Variants in CDK17 observed in about 807,000 individuals in gnomAD.
CDK17 encodes the protein cyclin-dependent kinase 17.
CDK17 carries 24 observed loss-of-function variants against 77.6 expected under a neutral mutation model. The observed-to-expected ratio is 0.31, with a 90% CI of 0.22 to 0.44. The LOEUF (loss-of-function observed/expected upper bound fraction) is 0.44, where lower values mean the gene tolerates loss of function less well. Ranked by LOEUF, CDK17 falls within the 20% of genes least tolerant of loss-of-function variation. The pLI, the probability that CDK17 is intolerant of heterozygous loss-of-function variation, is 1.00. For synonymous variants in CDK17, 203 were observed against 210.4 expected (o/e 0.96, Z 0.30); for missense variants, 429 against 622.5 (o/e 0.69, Z 3.31).
chr12:96,292,841 G>C (rs1192259913), intron 10 of CDK17, among the ~76,000 whole-genome samples: 1 of 150,640 alleles, frequency 6.6e-6, no homozygotes, highest in Non-Finnish European at 1.5e-5. Flanking sequence ...AACCAGATTA[G>C]CTAAAAAAAA....
At chr12:96,289,316 A>T (rs766221371) in intron 10 of CDK17, 29 bp from the exon 11 acceptor site, 1 of 1,613,050 alleles carries the variant, frequency 6.2e-7, no homozygotes, top group Non-Finnish European at 8.5e-7. Flanking sequence ...ACAAAGGGTT[A>T]AGAAAAAGCT....
intron 1 of CDK17, among the ~76,000 whole-genome samples, chr12:96,355,702 G>A (rs1329757616): frequency 6.6e-6 from 1 of 151,982 alleles, no homozygotes; most frequent in South Asian, 2.1e-4. Context: ...CAACGTGCCC[G>A]GCATATATTG....
At chr12:96,300,544 G>A (rs746967768) in intron 5 of CDK17, among the ~76,000 whole-genome samples, 184 bp from the exon 6 acceptor site, 8 of 152,130 alleles carry the variant, frequency 5.3e-5, no homozygotes, top group Admixed American at 1.3e-4. Context: ...TTACAGGCAC[G>A]CAGCACCAAG....
chr12:96,294,584 C>CAAAAAAAAAAAAA (rs11313631), intron 10 of CDK17, among the ~76,000 whole-genome samples: 19 of 54,346 alleles, frequency 3.5e-4, no homozygotes, highest in Non-Finnish European at 4.9e-4. Context: ...ATGCTGTCTT[C>CAAAAAAAAAAAAA]AAAAAAAAAA....
At chr12:96,362,369 C>T (rs759459494) in intron 1 of CDK17, among the ~76,000 whole-genome samples, 8 of 152,094 alleles carry the variant, frequency 5.3e-5, no homozygotes, top group Non-Finnish European at 1.2e-4. Context: ...CAGGCATACA[C>T]CACCATGCCT....
chr12:96,380,910 C>CT (rs1290342771), intron 1 of CDK17, among the ~76,000 whole-genome samples: 1 of 152,036 alleles, frequency 6.6e-6, no homozygotes, highest in Non-Finnish European at 1.5e-5. Flanking sequence ...TTTCATATCC[C>CT]TTTTTTACAT....
At chr12:96,377,897 G>A (rs913486109) in intron 1 of CDK17, among the ~76,000 whole-genome samples, 1 of 152,106 alleles carries the variant, frequency 6.6e-6, no homozygotes, top group African/African-American at 2.4e-5. Flanking sequence ...GTTTCACCGT[G>A]TTAGCCAGGA....
chr12:96,327,644 C>T (rs575904867), intron 2 of CDK17, among the ~76,000 whole-genome samples: 1 of 152,100 alleles, frequency 6.6e-6, no homozygotes, highest in Non-Finnish European at 1.5e-5. Context: ...ACCACCTGGG[C>T]TCATGTGGTC....
At chr12:96,316,573 A>G (rs944348745) in intron 3 of CDK17, among the ~76,000 whole-genome samples, 9 of 146,892 alleles carry the variant, frequency 6.1e-5, no homozygotes, top group Admixed American at 4.9e-4. Context: ...AGCTTTGAAG[A>G]GAGCAGTGGT....
chr12:96,303,752 C>T (rs924279123), intron 5 of CDK17, among the ~76,000 whole-genome samples: 1 of 151,906 alleles, frequency 6.6e-6, no homozygotes, highest in Non-Finnish European at 1.5e-5. Context: ...CAATACCAAG[C>T]CTTATGGGAA....
chr12:96,359,085 C>T (rs1175821244), intron 1 of CDK17, among the ~76,000 whole-genome samples: 1 of 151,720 alleles, frequency 6.6e-6, no homozygotes, highest in Non-Finnish European at 1.5e-5. Flanking sequence ...ATGTATCACT[C>T]CATTCTTGGC....
intron 1 of CDK17, among the ~76,000 whole-genome samples, chr12:96,386,051 ACT>A (rs1215968456): frequency 1.3e-5 from 2 of 152,202 alleles, no homozygotes; most frequent in Non-Finnish European, 2.9e-5. Context: ...AGGGTCTCTA[ACT>A]CTGTCACGCT....
intron 9 of CDK17, among the ~76,000 whole-genome samples, chr12:96,296,062 T>TA (rs1952401005): frequency 6.6e-6 from 1 of 152,336 alleles, no homozygotes; most frequent in Admixed American, 6.5e-5. Flanking sequence ...ATTATGTTTT[T>TA]AAAACTCTAA....
intron 10 of CDK17, among the ~76,000 whole-genome samples, chr12:96,291,355 G>A (rs1453798399): frequency 2.0e-5 from 3 of 152,008 alleles, no homozygotes; most frequent in African/African-American, 7.2e-5. Context: ...GAAATGGCTT[G>A]ATCATGACTC....
intron 1 of CDK17, among the ~76,000 whole-genome samples, chr12:96,379,775 G>A (rs1009696665): frequency 1.1e-4 from 17 of 152,054 alleles, no homozygotes; most frequent in African/African-American, 4.1e-4. Flanking sequence ...ACAAAATGGT[G>A]AAACCAATTT....
chr12:96,359,414 G>C (rs1362790698), intron 1 of CDK17, among the ~76,000 whole-genome samples: 1 of 152,188 alleles, frequency 6.6e-6, no homozygotes, highest in East Asian at 1.9e-4. Flanking sequence ...TGGAGGCTCT[G>C]CTCCAAGTCT....
chr12:96,383,002 G>A (rs570889540), intron 1 of CDK17, among the ~76,000 whole-genome samples: 16 of 152,226 alleles, frequency 1.1e-4, no homozygotes, highest in African/African-American at 3.9e-4. Context: ...ATACAATTAT[G>A]TATCTAGAAA....
intron 1 of CDK17, among the ~76,000 whole-genome samples, chr12:96,385,270 C>T (rs1414767454): frequency 1.3e-5 from 2 of 151,960 alleles, no homozygotes; most frequent in African/African-American, 4.8e-5. Flanking sequence ...GCCAAGATTG[C>T]GCCACTGCAC....
chr12:96,357,879 C>G (rs990655048), intron 1 of CDK17, among the ~76,000 whole-genome samples: 5 of 152,128 alleles, frequency 3.3e-5, no homozygotes, highest in African/African-American at 1.2e-4. Context: ...GAAATAGTCA[C>G]AGCAACATGT....
Sources: allele counts gnomAD v4.1 joint callset (sites outside exome capture counted in the v4.1 genomes callset), GRCh38; gene constraint gnomAD v4.1.1; transcripts MANE v1.5; gene names NCBI Gene and HGNC (gene_info 2026-07-23, HGNC 2026-07-21).